C4orf36: variants seen among roughly 807,000 people sequenced by gnomAD.
C4orf36 encodes the protein uncharacterized protein C4orf36.
Under a neutral mutation model 12.2 loss-of-function variants are expected in C4orf36, and 11 were observed. That is an observed-to-expected ratio of 0.90 (90% confidence interval 0.57 to 1.49). C4orf36 has a LOEUF of 1.49. Among genes scored for constraint, C4orf36 ranks in the 40% most tolerant of loss-of-function variants. The pLI, the probability that C4orf36 is intolerant of heterozygous loss-of-function variation, is 0.00. For synonymous variants in C4orf36, 54 were observed against 51.3 expected, an observed-to-expected ratio of 1.05 and a Z score of -0.22; for missense variants, 137 against 133.9, an observed-to-expected ratio of 1.02 and a Z score of -0.11.
rs1279033984 is a variant in C4orf36, at chr4:86,876,300, G to C, written c.*146C>G. 3 of 1,301,466 alleles carry C rather than the reference G, an allele frequency of 2.3e-6. No homozygotes were observed. The highest frequency in any genetic ancestry group is 3.1e-6 in the Non-Finnish European group (3 of 966,028). 80.6% of individuals were successfully genotyped at this position (1,301,466 alleles called of 1,614,324 possible). On this transcript the variant is annotated 3_prime_UTR_variant, in exon 5 of 5. Coordinates refer to ENST00000295898, the MANE Select transcript of C4orf36 (RefSeq NM_144645.4). Reference sequence around the variant, plus strand: ...GATTTTCTCGGTCTCTGGGCGGGCCGTGGGAGGCTTCCTGAGGTGGGGGCC... The same window carrying C: ...GATTTTCTCGGTCTCTGGGCGGGCCCTGGGAGGCTTCCTGAGGTGGGGGCC...
the C4orf36 span, among the ~76,000 whole-genome samples, chr4:86,912,067 G>A: frequency 1.3e-5 from 2 of 151,728 alleles, no homozygotes; most frequent in Admixed American, 1.3e-4. Context: ...TAGAGACGAA[G>A]TTTCTCCATG....
At chr4:86,917,451 A>AAG in the C4orf36 span, among the ~76,000 whole-genome samples, 151 of 96,654 alleles carry the variant, frequency 1.6e-3, no homozygotes, top group Non-Finnish European at 2.8e-3. Flanking sequence ...GAGAAAGAGA[A>AAG]AAAGAAAGAA....
rs149756671 is a variant in C4orf36 at position 86,877,460 on chromosome 4, T to G, written c.*3-1017A>C. On this transcript the variant is annotated intron_variant, in intron 4 of 4. Transcript: ENST00000295898. ...AGCCAAGAAACTTTGGGAATGTTTC[T>G]GGTTGGCAGATCAGAGTCTTACACA... Among the ~76,000 whole-genome samples, 1,180 of 152,360 alleles carry G rather than the reference T, an allele frequency of 7.7e-3. 5 individuals carry two copies. Among genetic ancestry groups the G allele is most frequent in the Non-Finnish European group, 0.013 (864 of 68,038 alleles).
chr4:86,913,699 G>A, the C4orf36 span: 9 of 1,603,782 alleles, frequency 5.6e-6, no homozygotes, highest in East Asian at 2.2e-5. Flanking sequence ...CAGGCCAGGC[G>A]GCTCCCACTG....
intron 2 of C4orf36, among the ~76,000 whole-genome samples, 166 bp downstream of exon 2, chr4:86,891,290 T>C (rs1399520325): frequency 3.8e-5 from 2 of 53,016 alleles, no homozygotes; most frequent in African/African-American, 1.1e-4. Flanking sequence ...TAAAAGCAGT[T>C]GCCAAAAAAA....
At chr4:86,895,128 A>G (rs749906585), upstream of C4orf36, among the ~76,000 whole-genome samples, 1 of 152,130 alleles carries the variant, frequency 6.6e-6, no homozygotes, top group Non-Finnish European at 1.5e-5. Context: ...CCTGGGCACC[A>G]TAGTGAGACC....
the C4orf36 span, among the ~76,000 whole-genome samples, chr4:86,897,992 G>T: frequency 6.6e-6 from 1 of 152,152 alleles, no homozygotes; most frequent in South Asian, 2.1e-4. Context: ...AGACCTTTAG[G>T]CTGTTACAAC....
chr4:86,876,871 TTCTC>T (rs1746940455), intron 4 of C4orf36, among the ~76,000 whole-genome samples: 1 of 152,218 alleles, frequency 6.6e-6, no homozygotes, highest in Non-Finnish European at 1.5e-5. Context: ...ACCTAGAGTT[TTCTC>T]TCTATTACTA....
the C4orf36 span, among the ~76,000 whole-genome samples, chr4:86,908,916 G>A: frequency 6.6e-6 from 1 of 152,042 alleles, no homozygotes; most frequent in Non-Finnish European, 1.5e-5. Context: ...GAAACTCAGC[G>A]GGATCCCTCT....
chr4:86,883,402 G>A (rs1248585803), intron 4 of C4orf36, among the ~76,000 whole-genome samples: 2 of 152,102 alleles, frequency 1.3e-5, no homozygotes, highest in Non-Finnish European at 2.9e-5. Context: ...TAAATTTCAA[G>A]ACTCCTGGTC....
At chr4:86,929,586 G>T in the C4orf36 span, among the ~76,000 whole-genome samples, 1 of 152,132 alleles carries the variant, frequency 6.6e-6, no homozygotes, top group African/African-American at 2.4e-5. Flanking sequence ...CTCAAGGAGA[G>T]GAAATGAAAT....
At chr4:86,928,199 A>G in the C4orf36 span, among the ~76,000 whole-genome samples, 68 of 152,364 alleles carry the variant, frequency 4.5e-4, no homozygotes, top group Admixed American at 3.3e-3. Context: ...TGAAAGACCC[A>G]AAAGGGGAAG....
intron 4 of C4orf36, among the ~76,000 whole-genome samples, chr4:86,881,375 G>A (rs1747051788): frequency 6.6e-6 from 1 of 152,088 alleles, no homozygotes; most frequent in African/African-American, 2.4e-5. Flanking sequence ...AACTGTTTTA[G>A]TCCCATATTC....
At chr4:86,913,743 G>GTGCCAC in the C4orf36 span, 1 of 1,540,556 alleles carries the variant, frequency 6.5e-7, no homozygotes, top group Non-Finnish European at 9.0e-7. Flanking sequence ...CCAGCCACCA[G>GTGCCAC]TGCCACTGCC....
chr4:86,923,659 G>C, the C4orf36 span, among the ~76,000 whole-genome samples: 13 of 151,880 alleles, frequency 8.6e-5, no homozygotes, highest in Non-Finnish European at 1.8e-4. Flanking sequence ...CTACTTGGGA[G>C]GCTGAGGCAG....
intron 4 of C4orf36, among the ~76,000 whole-genome samples, chr4:86,883,243 G>C (rs1747090600): frequency 6.6e-6 from 1 of 152,144 alleles, no homozygotes; most frequent in Non-Finnish European, 1.5e-5. Context: ...AAAGACATAA[G>C]TGACAAGTTG....
chr4:86,904,717 G>C, the C4orf36 span, among the ~76,000 whole-genome samples: 1 of 151,818 alleles, frequency 6.6e-6, no homozygotes, highest in East Asian at 1.9e-4. Flanking sequence ...CGCATAAAAA[G>C]GCCGCATCTC....
chr4:86,895,014 A>T (rs570722364), upstream of C4orf36, among the ~76,000 whole-genome samples: 1 of 152,312 alleles, frequency 6.6e-6, no homozygotes, highest in African/African-American at 2.4e-5. Flanking sequence ...AATATAGGAT[A>T]ATAACTGTTC....
At chr4:86,895,719 C>A (rs1427648884), upstream of C4orf36, among the ~76,000 whole-genome samples, 1 of 151,622 alleles carries the variant, frequency 6.6e-6, no homozygotes, top group Non-Finnish European at 1.5e-5. Context: ...TCTACAATTT[C>A]TTCCCCTCTC....
Sources: gnomAD v4.1 joint callset for allele counts (sites outside exome capture counted in the v4.1 genomes callset) on GRCh38, gnomAD v4.1.1 for gene constraint, MANE v1.5 for transcripts, NCBI Gene and HGNC (gene_info 2026-07-23, HGNC 2026-07-21) for gene names.